VPS8: variants seen among roughly 807,000 people sequenced by gnomAD.
VPS8 encodes the protein VPS8 subunit of CORVET complex.
VPS8 carries 129 observed loss-of-function variants against 216.4 expected under a neutral mutation model. The ratio of observed to expected loss-of-function variants is 0.60; its 90% confidence interval spans 0.52 to 0.69. The LOEUF is 0.69. VPS8 is among the 30% of genes least tolerant of loss of function. VPS8 has a pLI of 0.00. For missense variants in VPS8, 1,531 were observed against 1,683.5 expected (o/e 0.91, Z 1.59); for synonymous variants, 571 against 565.4 (o/e 1.01, Z -0.14).
chr3:184,909,134 C>A (rs1736035979), intron 25 of VPS8, among the ~76,000 whole-genome samples: 2 of 152,188 alleles, frequency 1.3e-5, no homozygotes. Context: ...CCACTGTGTT[C>A]CACTTGTTTT....
At chr3:184,925,010 GT>G in intron 30 of VPS8, 29 bp downstream of exon 30, 1 of 1,595,804 alleles carries the variant, frequency 6.3e-7, no homozygotes, top group Non-Finnish European at 8.5e-7. Context: ...AAACTAAAAG[GT>G]TTTTTCCTGT....
intron 46 of VPS8, among the ~76,000 whole-genome samples, chr3:185,024,864 T>A (rs1158528071): frequency 6.6e-6 from 1 of 151,832 alleles, no homozygotes; most frequent in African/African-American, 2.4e-5. Flanking sequence ...TAGCTCGGCG[T>A]GGTGGTGCAT....
chr3:184,957,843 C>G (rs1713578201), intron 37 of VPS8, among the ~76,000 whole-genome samples: 1 of 152,108 alleles, frequency 6.6e-6, no homozygotes, highest in African/African-American at 2.4e-5. Flanking sequence ...GAGAGCAGTT[C>G]CAGCCTAGTA....
At chr3:185,013,736 A>G (rs888421054) in intron 45 of VPS8, among the ~76,000 whole-genome samples, 7 of 152,190 alleles carry the variant, frequency 4.6e-5, no homozygotes, top group African/African-American at 1.7e-4. Context: ...ATGGTTCCAG[A>G]TAATAGGAAC....
intron 22 of VPS8, among the ~76,000 whole-genome samples, chr3:184,886,546 T>TAC (rs34621825): frequency 0.23 from 33,991 of 150,324 alleles, 4,687 homozygotes; most frequent in East Asian, 0.63. Flanking sequence ...CACATATGTA[T>TAC]ACACACACAC....
chr3:185,009,245 A>G (rs1754663927), intron 45 of VPS8, among the ~76,000 whole-genome samples: 1 of 152,232 alleles, frequency 6.6e-6, no homozygotes, highest in African/African-American at 2.4e-5. Flanking sequence ...GAAATATGAG[A>G]TAAGGACATA....
chr3:185,031,072 T>TTTTG (rs1758077418), intron 46 of VPS8, among the ~76,000 whole-genome samples: 1 of 142,852 alleles, frequency 7.0e-6, no homozygotes. Flanking sequence ...CGTTTTTTTT[T>TTTTG]TTTTTTTTTT....
chr3:184,830,656 AT>A (rs1403903795), intron 3 of VPS8, among the ~76,000 whole-genome samples: 5 of 151,940 alleles, frequency 3.3e-5, no homozygotes, highest in African/African-American at 7.3e-5. Context: ...CATCTGATCC[AT>A]TTTCTTTAAT....
intron 32 of VPS8, 92 bp from the exon 33 acceptor site, chr3:184,929,488 C>A: frequency 1.4e-6 from 1 of 728,650 alleles, no homozygotes; most frequent in Non-Finnish European, 2.3e-6. Flanking sequence ...GGACACCTGG[C>A]CCACTTTTCC....
chr3:184,887,536 T>C (rs1004924501), intron 22 of VPS8, among the ~76,000 whole-genome samples: 4 of 152,182 alleles, frequency 2.6e-5, no homozygotes, highest in Admixed American at 6.5e-5. Context: ...CCACATTTTA[T>C]ATAAGATGTG....
intron 1 of VPS8, among the ~76,000 whole-genome samples, chr3:184,814,252 G>A (rs75215268): frequency 0.013 from 2,014 of 152,336 alleles, 22 homozygotes; most frequent in Middle Eastern, 0.034. Context: ...TAAATCCAGT[G>A]ACTCCAGTGA....
At chr3:184,984,025 A>G (rs1021542029) in intron 42 of VPS8, among the ~76,000 whole-genome samples, 2 of 149,866 alleles carry the variant, frequency 1.3e-5, no homozygotes, top group Admixed American at 1.3e-4. Flanking sequence ...TCTACTAAAA[A>G]TACAAAAAAA....
At chr3:184,827,956 C>T (rs759067336) in intron 3 of VPS8, among the ~76,000 whole-genome samples, 2 of 151,604 alleles carry the variant, frequency 1.3e-5, no homozygotes, top group Non-Finnish European at 2.9e-5. Flanking sequence ...ATTATGAAGA[C>T]GATAAGGGGG....
Position 184,998,975 on chromosome 3 carries a change from A to G in VPS8, c.3837-721A>G, listed in dbSNP as rs544903173. 1.5e-4 allele frequency among the ~76,000 whole-genome samples: 22 copies of G among 151,536 alleles called. No homozygotes were observed. The South Asian group carries it at 1.5e-3, about 10-fold the overall frequency. ...CAGCTCACTGTAACCTCTGCCTCCCAGGTTCAAGCGATTCTCATGCCTCAG... is the reference window on the plus strand; with the variant it reads ...CAGCTCACTGTAACCTCTGCCTCCCGGGTTCAAGCGATTCTCATGCCTCAG... On this transcript the variant is annotated intron_variant, in intron 44 of 47. Transcript: ENST00000625842.
chr3:184,928,185 G>A (rs574063164), intron 31 of VPS8, among the ~76,000 whole-genome samples: 14 of 152,184 alleles, frequency 9.2e-5, no homozygotes, highest in Non-Finnish European at 1.8e-4. Flanking sequence ...TCAGCTCAAT[G>A]TCTAATAGGG....
chr3:185,029,715 C>T (rs562110222), intron 46 of VPS8, among the ~76,000 whole-genome samples: 1 of 152,240 alleles, frequency 6.6e-6, no homozygotes, highest in South Asian at 2.1e-4. Context: ...GCACACACCA[C>T]CACACCCAGC....
At chr3:184,939,228 AATGTT>A (rs1249432596) in intron 35 of VPS8, among the ~76,000 whole-genome samples, 2 of 152,260 alleles carry the variant, frequency 1.3e-5, no homozygotes, top group African/African-American at 4.8e-5. Context: ...AAATTGCCAG[AATGTT>A]ATGTTATAAC....
chr3:184,883,194 A>G (rs915907347), intron 21 of VPS8, among the ~76,000 whole-genome samples: 3 of 152,100 alleles, frequency 2.0e-5, no homozygotes, highest in Non-Finnish European at 2.9e-5. Flanking sequence ...TCCTCTGACC[A>G]TTTCATAAAT....
chr3:184,962,761 G>GTGTGTGTGTGTGTGTGTT (rs1324151343), intron 37 of VPS8, among the ~76,000 whole-genome samples: 81 of 93,126 alleles, frequency 8.7e-4, no homozygotes, highest in African/African-American at 2.5e-3. Context: ...GTGTGTGTGT[G>GTGTGTGTGTGTGTGTGTT]TGTGTCTTAT....
Sources: gnomAD v4.1 joint callset for allele counts (sites outside exome capture counted in the v4.1 genomes callset) on GRCh38, gnomAD v4.1.1 for gene constraint, MANE v1.5 for transcripts, NCBI Gene and HGNC (gene_info 2026-07-23, HGNC 2026-07-21) for gene names.